The following SENP7 variants were observed in gnomAD, a reference collection of about 807,000 sequenced individuals.
SENP7 encodes sentrin-specific protease 7.
SENP7 carries 64 observed loss-of-function variants against 141.2 expected under a neutral mutation model. The observed-to-expected ratio is 0.45, with a 90% confidence interval of 0.37 to 0.56. The LOEUF is 0.56. Ranked by LOEUF, SENP7 falls within the 20% of genes least tolerant of loss-of-function variation. The probability of loss-of-function intolerance (pLI) is 0.00; values close to 1 mark genes in which losing one functional copy is unlikely to be tolerated. For synonymous variants in SENP7, 382 were observed against 426.4 expected, an observed-to-expected ratio of 0.90 and a Z score of 1.28; for missense variants, 1,025 against 1,212.2, an observed-to-expected ratio of 0.85 and a Z score of 2.29.
chr3:101,474,341 T>G (rs1203474854), intron 3 of SENP7, among the ~76,000 whole-genome samples: 2 of 152,228 alleles, frequency 1.3e-5, no homozygotes, highest in Non-Finnish European at 2.9e-5. Context: ...TGTGCTTGTG[T>G]CATCTCTGAT....
chr3:101,508,631 T>C (rs2065726714), intron 1 of SENP7, among the ~76,000 whole-genome samples: 1 of 152,166 alleles, frequency 6.6e-6, no homozygotes. Flanking sequence ...TAAGGAAAAC[T>C]GTTCCTTACA....
At chr3:101,473,090 T>C (rs1559879651) in intron 3 of SENP7, among the ~76,000 whole-genome samples, 1 of 152,212 alleles carries the variant, frequency 6.6e-6, no homozygotes, top group African/African-American at 2.4e-5. Flanking sequence ...CATGATCTCA[T>C]TTTATGGTGT....
intron 1 of SENP7, among the ~76,000 whole-genome samples, chr3:101,505,720 T>C (rs1033530570): frequency 6.6e-6 from 1 of 152,202 alleles, no homozygotes; most frequent in Non-Finnish European, 1.5e-5. Context: ...GGCTTACTAG[T>C]TGTGACTTCT....
intron 4 of SENP7, among the ~76,000 whole-genome samples, chr3:101,452,925 GGCAACCTACAGAATGGGAGAAAATTTTT>G (rs1263376365): frequency 6.6e-6 from 1 of 152,116 alleles, no homozygotes; most frequent in Non-Finnish European, 1.5e-5. Flanking sequence ...AGAGTGAACA[GGCAACCTACAGAATGGGAGAAAATTTTT>G]GCAACCTACT....
chr3:101,488,437 A>C (rs552096635), intron 3 of SENP7, among the ~76,000 whole-genome samples: 6 of 152,208 alleles, frequency 3.9e-5, no homozygotes, highest in Non-Finnish European at 5.9e-5. Context: ...ATGTAAAGAG[A>C]CTAAATCTAT....
intron 6 of SENP7, among the ~76,000 whole-genome samples, chr3:101,374,452 T>C (rs2060263534): frequency 6.6e-6 from 1 of 151,946 alleles, no homozygotes; most frequent in African/African-American, 2.4e-5. Flanking sequence ...TAAATTGGAG[T>C]TCATTAAAAT....
chr3:101,412,503 A>G (rs1485018956), intron 5 of SENP7, among the ~76,000 whole-genome samples: 2 of 152,118 alleles, frequency 1.3e-5, no homozygotes, highest in African/African-American at 4.8e-5. Flanking sequence ...GAACACTGCA[A>G]TATCCAAATA....
intron 6 of SENP7, among the ~76,000 whole-genome samples, chr3:101,388,149 C>T (rs2060712184): frequency 6.6e-6 from 1 of 152,234 alleles, no homozygotes; most frequent in South Asian, 2.1e-4. Flanking sequence ...CCACTGCCAC[C>T]ATGACACCTG....
chr3:101,383,199 A>C (rs370568021), intron 6 of SENP7, among the ~76,000 whole-genome samples: 95 of 152,242 alleles, frequency 6.2e-4, no homozygotes, highest in Non-Finnish European at 9.0e-4. Flanking sequence ...TTCTTGCTAC[A>C]TCTGGTTAAG....
At chr3:101,506,348 T>C (rs1020391793) in intron 1 of SENP7, among the ~76,000 whole-genome samples, 2 of 152,244 alleles carry the variant, frequency 1.3e-5, no homozygotes, top group African/African-American at 4.8e-5. Context: ...GTAATTATCA[T>C]TGCCTGGAAT....
intron 15 of SENP7, 145 bp from the exon 16 acceptor site, chr3:101,340,356 G>A (rs544290930): frequency 1.0e-6 from 1 of 1,003,728 alleles, no homozygotes; most frequent in East Asian, 3.0e-5. Flanking sequence ...CATAAATAAT[G>A]ATATTTTCCT....
intron 18 of SENP7, 57 bp from the exon 19 acceptor site, chr3:101,332,166 T>C (rs1264492473): frequency 9.9e-6 from 15 of 1,507,736 alleles, no homozygotes; most frequent in Non-Finnish European, 5.4e-6. Context: ...ACATATAATA[T>C]ATTCTAGAGA....
Position 101,417,667 on chromosome 3 carries a change from A to T in SENP7, c.408T>A (p.Pro136=). ...DANKVQSDSL[P]STSVDSLETC... is the part of the protein sequence containing the mutation. ...TCTCTAGGCTGTCAACAGATGTCGAAGGCAATGAGTCTGATTGCACCTTGT... is the reference window on the plus strand; with the variant it reads ...TCTCTAGGCTGTCAACAGATGTCGATGGCAATGAGTCTGATTGCACCTTGT... The change falls in exon 5 of 24, where the codon CCT becomes CCA. Residue 136 remains proline, a synonymous_variant. Transcript: ENST00000394095. 6.2e-7 allele frequency: 1 copy of T among 1,613,930 alleles called. No homozygotes were observed. The highest frequency in any genetic ancestry group is 8.5e-7 in the Non-Finnish European group (1 of 1,179,792).
chr3:101,331,889 T>C, intron 19 of SENP7, 96 bp downstream of exon 19: 1 of 1,227,616 alleles, frequency 8.1e-7, no homozygotes, highest in Non-Finnish European at 1.1e-6. Context: ...TTAATGATAG[T>C]AAATAACTAT....
intron 4 of SENP7, 135 bp from the exon 5 acceptor site, chr3:101,417,925 G>A: frequency 3.6e-5 from 23 of 635,062 alleles, no homozygotes; most frequent in African/African-American, 9.2e-5. Flanking sequence ...TAAGAAAAAA[G>A]AAAAAATGCC....
chr3:101,340,267 G>A, intron 15 of SENP7, 56 bp from the exon 16 acceptor site: 14 of 1,509,026 alleles, frequency 9.3e-6, no homozygotes, highest in Non-Finnish European at 1.1e-5. Flanking sequence ...TATTATCTAA[G>A]AGATTTCTTA....
rs201458059 is a variant in SENP7 at position 101,415,944 on chromosome 3, A to C, written c.482+1649T>G. Reference sequence around the variant, plus strand: ...AAGGTTTAATTTTCTACCGCCCCCCAAAAAAATATATATATGTATATATGT... The same window carrying C: ...AAGGTTTAATTTTCTACCGCCCCCCCAAAAAATATATATATGTATATATGT... On this transcript the variant is annotated intron_variant, in intron 5 of 23. Transcript: ENST00000394095. Among the ~76,000 whole-genome samples, 125 of 152,108 alleles carry C rather than the reference A, an allele frequency of 8.2e-4. 3 individuals are homozygous for C. Among genetic ancestry groups the C allele is most frequent in the East Asian group, 6.8e-3 (35 of 5,174 alleles).
intron 3 of SENP7, among the ~76,000 whole-genome samples, chr3:101,485,851 A>T (rs534023603): frequency 6.6e-6 from 1 of 152,214 alleles, no homozygotes; most frequent in Non-Finnish European, 1.5e-5. Flanking sequence ...AATGCAAGGA[A>T]ATCCAAAAAA....
chr3:101,413,736 A>AG (rs369067957), intron 5 of SENP7, among the ~76,000 whole-genome samples: 34 of 148,216 alleles, frequency 2.3e-4, no homozygotes, highest in Middle Eastern at 3.5e-3. Context: ...AAAAAAAGGG[A>AG]GGGGGGGGAT....
Sources: gnomAD v4.1 joint callset for allele counts (sites outside exome capture counted in the v4.1 genomes callset) on GRCh38, gnomAD v4.1.1 for gene constraint, MANE v1.5 for transcripts, NCBI Gene and HGNC (gene_info 2026-07-23, HGNC 2026-07-21) for gene names.